ZNF483: variants seen among roughly 807,000 people sequenced by gnomAD.
ZNF483 encodes the protein zinc finger protein 483.
In ZNF483, 9 loss-of-function variants were observed where a neutral mutation model predicts 28.6. The ratio of observed to expected loss-of-function variants is 0.32; its 90% confidence interval spans 0.19 to 0.55. The LOEUF (loss-of-function observed/expected upper bound fraction) is 0.55, where lower values mean the gene tolerates loss of function less well. Ranked by LOEUF, ZNF483 falls within the 20% of genes least tolerant of loss-of-function variation. ZNF483 has a pLI of 0.93. For missense variants in ZNF483, 675 were observed against 871.7 expected, an observed-to-expected ratio of 0.77 and a Z score of 2.84; for synonymous variants, 322 against 306.2, an observed-to-expected ratio of 1.05 and a Z score of -0.54.
chr9:111,525,599 T>C (rs28441247), intron 1 of ZNF483, among the ~76,000 whole-genome samples: 84,761 of 151,954 alleles, frequency 0.56, 23,958 homozygotes, highest in Non-Finnish European at 0.59. Flanking sequence ...CCTCTCGTCC[T>C]AGTCGAGCTA....
At position 111,550,690 on chromosome 9, in the gene ZNF483, G is replaced by A. The variant is rs897392109; in HGVS notation, c.*7520G>A. 1.3e-5 allele frequency among the ~76,000 whole-genome samples: 2 copies of A among 152,126 alleles called. No individual in the cohort carries two copies. Among genetic ancestry groups the A allele is most frequent in the Non-Finnish European group, 2.9e-5 (2 of 68,024 alleles). On this transcript the variant is annotated 3_prime_UTR_variant, in exon 6 of 6. Coordinates refer to ENST00000309235, the MANE Select transcript of ZNF483 (RefSeq NM_133464.5). ...TGTCTTTGATTTTTCCTGCTTTCTT[G>A]AAGATTTCTTCAACTTTATCTTCCA... is the stretch of plus-strand genomic sequence containing the variant.
At chr9:111,527,191 C>T (rs1827203750) in intron 1 of ZNF483, 77 bp from the exon 2 acceptor site, 1 of 490,940 alleles carries the variant, frequency 2.0e-6, no homozygotes, top group Admixed American at 3.5e-5. Flanking sequence ...TTTCTCTGAA[C>T]CAAACCAAGA....
rs1827730364 is a variant in ZNF483 at position 111,543,694 on chromosome 9, T to TA, written c.*525dup. ...GCTGTGGACATAAGTTATTTTTTTT[T>TA]ATTTGTCATTACTTTCAAGTTTCTC... On this transcript the variant is annotated 3_prime_UTR_variant, in exon 6 of 6. Transcript: ENST00000309235. 3.1e-6 allele frequency: 3 copies of TA among 975,538 alleles called. No individual in the cohort carries two copies. Among genetic ancestry groups the TA allele is most frequent in the African/African-American group, 1.7e-5 (1 of 57,202 alleles). The allele number at this position is 975,538 out of a possible 1,614,324, so 60.4% of individuals were successfully genotyped here. A position where few individuals can be genotyped will look rare whatever the true frequency, so the allele number is the denominator to read the frequency against.
rs1465441902 is a variant in ZNF483, at chr9:111,561,104, T to TAGAGAG, written c.722-15260_722-15259insGAGAGA. ...TCTAAAATATATATATATATATATA[T>TAGAGAG]ATATATAGAGAGAGAGAGAGAGAGA... On this transcript the variant is annotated intron_variant, in intron 5 of 5. Coordinates refer to the ZNF483 transcript ENST00000358151. Among the ~76,000 whole-genome samples, 7 of 26,384 alleles carry TAGAGAG rather than the reference T, an allele frequency of 2.7e-4. 1 individual carries two copies. The highest frequency in any genetic ancestry group is 6.4e-4 in the African/African-American group (2 of 3,148). The allele number at this position is 26,384 out of a possible 152,430, so 17.3% of individuals were successfully genotyped here.
At position 111,554,839 on chromosome 9, in the gene ZNF483, A is replaced by T. The variant is rs192434913; in HGVS notation, c.*11669A>T. On this transcript the variant is annotated 3_prime_UTR_variant, in exon 6 of 6. Transcript: ENST00000309235. The stretch of plus-strand genomic sequence containing the variant: ...CCACTGTATTTTACCCAAGGGAGAC[A>T]ATCCAAAGTCTAATCTGCTCAGGGT... 2.0e-3 allele frequency among the ~76,000 whole-genome samples: 307 copies of T among 152,360 alleles called. 1 individual carries two copies. The highest frequency in any genetic ancestry group is 0.01 in the Middle Eastern group (3 of 294).
rs776208336 is a variant in ZNF483 at position 111,527,357 on chromosome 9, T to G, written c.-39T>G. The stretch of plus-strand genomic sequence containing the variant: ...TTGGTGGACTGTACTGATACTCAAC[T>G]AGAGTGTGAAGGGACTGGATTCCTG... On this transcript the variant is annotated 5_prime_UTR_variant, in exon 2 of 6. Transcript: ENST00000309235. The G allele has an allele frequency of 6.3e-7, 1 of 1,597,584 alleles. No homozygotes were observed. Among genetic ancestry groups the G allele is most frequent in the East Asian group, 2.2e-5 (1 of 44,768 alleles).
At chr9:111,535,340 A>G (rs1347687553) in intron 5 of ZNF483, among the ~76,000 whole-genome samples, 1 of 152,268 alleles carries the variant, frequency 6.6e-6, no homozygotes, top group African/African-American at 2.4e-5. Context: ...CTGTGGGAAT[A>G]TACAGGAGCA....
intron 5 of ZNF483, among the ~76,000 whole-genome samples, chr9:111,536,504 G>A (rs796425883): frequency 6.6e-6 from 1 of 152,132 alleles, no homozygotes; most frequent in Non-Finnish European, 1.5e-5. Context: ...CAGCCTGGGC[G>A]ACAGAGCGAG....
At position 111,543,347 on chromosome 9, in the gene ZNF483, C is replaced by A; in HGVS notation, c.*177C>A. 1 of 1,379,176 alleles carries A rather than the reference C, an allele frequency of 7.3e-7. No individual in the cohort carries two copies. Among genetic ancestry groups the A allele is most frequent in the Non-Finnish European group, 9.3e-7 (1 of 1,071,722 alleles). The allele number at this position is 1,379,176 out of a possible 1,614,324, so 85.4% of individuals were successfully genotyped here. A position where few individuals can be genotyped will look rare whatever the true frequency, so the allele number is the denominator to read the frequency against. On this transcript the variant is annotated 3_prime_UTR_variant, in exon 6 of 6. Coordinates refer to ENST00000309235, the MANE Select transcript of ZNF483 (RefSeq NM_133464.5). ...TTCAAGGATGGCAACGACTGGTAAA[C>A]AGTAATTAGTTGGTAAAGTCACTGG...
At chr9:111,536,056 T>A (rs1487114013) in intron 5 of ZNF483, among the ~76,000 whole-genome samples, 3 of 150,846 alleles carry the variant, frequency 2.0e-5, no homozygotes, top group Non-Finnish European at 4.4e-5. Flanking sequence ...GCCCAGCTAA[T>A]TTTTTTTGTA....
downstream of ZNF483, among the ~76,000 whole-genome samples, chr9:111,555,954 A>T (rs1391642070): frequency 6.6e-6 from 1 of 152,146 alleles, no homozygotes; most frequent in East Asian, 1.9e-4. Flanking sequence ...TCTAGCATTA[A>T]CTCAAAAGTC....
At chr9:111,531,780 T>C (rs10759500) in intron 3 of ZNF483, among the ~76,000 whole-genome samples, 113,882 of 152,068 alleles carry the variant, frequency 0.75, 43,174 homozygotes, top group African/African-American at 0.85. Flanking sequence ...GTCCTGGGTT[T>C]AAGCCATCCT....
At position 111,548,855 on chromosome 9, in the gene ZNF483, C is replaced by T. The variant is rs370804421; in HGVS notation, c.*5685C>T. Among the ~76,000 whole-genome samples, 19 of 151,386 alleles carry T rather than the reference C, an allele frequency of 1.3e-4. No homozygotes were observed. Among genetic ancestry groups the T allele is most frequent in the Middle Eastern group, 3.2e-3 (1 of 316 alleles). On this transcript the variant is annotated 3_prime_UTR_variant, in exon 6 of 6. Coordinates refer to ENST00000309235, the MANE Select transcript of ZNF483 (RefSeq NM_133464.5). ...TCTTTCTGCATTAAGAGTATAACAA[C>T]GCCACAGCCTTCTGGCTTCCAAGGT...
downstream of ZNF483, among the ~76,000 whole-genome samples, chr9:111,559,293 C>T (rs1828208489): frequency 6.6e-6 from 1 of 152,128 alleles, no homozygotes; most frequent in South Asian, 2.1e-4. Flanking sequence ...AACTCCATGC[C>T]AAGCTGCCCC....
At position 111,543,692 on chromosome 9, in the gene ZNF483, T is replaced by C; in HGVS notation, c.*522T>C. ...AAGCTGTGGACATAAGTTATTTTTT[T>C]TTATTTGTCATTACTTTCAAGTTTC... is the stretch of plus-strand genomic sequence containing the variant. On this transcript the variant is annotated 3_prime_UTR_variant, in exon 6 of 6. Coordinates refer to ENST00000309235, the MANE Select transcript of ZNF483 (RefSeq NM_133464.5). The C allele has an allele frequency of 1.0e-6, 1 of 978,106 alleles. No individual in the cohort carries two copies. Among genetic ancestry groups the C allele is most frequent in the South Asian group, 4.7e-5 (1 of 21,158 alleles). 60.6% of individuals were successfully genotyped at this position (978,106 alleles called of 1,614,324 possible).
In ZNF483 at chr9:111,545,686, A is replaced by G. The variant is rs1827790867; in HGVS notation, c.*2516A>G. On this transcript the variant is annotated 3_prime_UTR_variant, in exon 6 of 6. Transcript: ENST00000309235. The stretch of plus-strand genomic sequence containing the variant: ...GTGATCTTTCTGTGTTTTTTTCATT[A>G]ATGTGTTTTAAGTTCATCCATGTTG... Among the ~76,000 whole-genome samples the G allele has an allele frequency of 6.6e-6, 1 of 151,896 alleles. No homozygotes were observed. The highest frequency in any genetic ancestry group is 1.5e-5 in the Non-Finnish European group (1 of 67,964).
At chr9:111,561,350 A>G (rs890205818) in intron 5 of ZNF483, among the ~76,000 whole-genome samples, 2 of 151,906 alleles carry the variant, frequency 1.3e-5, no homozygotes, top group African/African-American at 4.8e-5. Context: ...GTCACAGGTC[A>G]CTGCAACCTC....
intron 2 of ZNF483, among the ~76,000 whole-genome samples, chr9:111,528,321 A>T (rs115020297): frequency 6.6e-5 from 10 of 152,374 alleles, no homozygotes; most frequent in African/African-American, 2.2e-4. Flanking sequence ...TTTTAAATCA[A>T]ATTTAAAGTT....
At position 111,554,943 on chromosome 9, in the gene ZNF483, G is replaced by T. The variant is rs890441201; in HGVS notation, c.*11773G>T. On this transcript the variant is annotated 3_prime_UTR_variant, in exon 6 of 6. Transcript: ENST00000309235. The stretch of plus-strand genomic sequence containing the variant: ...TTTGCCTTTGGGACCCTAAATGTCA[G>T]TGCCTGTTAATTTTTCTTTGAGAAG... 2.0e-5 allele frequency among the ~76,000 whole-genome samples: 3 copies of T among 152,144 alleles called. No individual in the cohort carries two copies. Among genetic ancestry groups the T allele is most frequent in the African/African-American group, 7.2e-5 (3 of 41,444 alleles).
Sources: gnomAD v4.1 joint callset for allele counts (sites outside exome capture counted in the v4.1 genomes callset) on GRCh38, gnomAD v4.1.1 for gene constraint, MANE v1.5 for transcripts, NCBI Gene and HGNC (gene_info 2026-07-23, HGNC 2026-07-21) for gene names.